FDX2: variants seen among roughly 807,000 people sequenced by gnomAD.
FDX2 encodes ferredoxin 2, also known as ferredoxin-2, mitochondrial.
Under a neutral mutation model 18.5 loss-of-function variants are expected in FDX2, and 13 were observed. The ratio of observed to expected loss-of-function variants is 0.70; its 90% confidence interval spans 0.46 to 1.12. The LOEUF (loss-of-function observed/expected upper bound fraction) is 1.12, where lower values mean the gene tolerates loss of function less well. Among genes scored for constraint, FDX2 ranks in the 50% most tolerant of loss-of-function variants. The pLI is 0.00. For synonymous variants in FDX2, 132 were observed against 106.2 expected, an observed-to-expected ratio of 1.24 and a Z score of -1.49; for missense variants, 238 against 250.4, an observed-to-expected ratio of 0.95 and a Z score of 0.34.
Position 10,310,455 on chromosome 19 carries a change from A to G in FDX2, c.*31T>C, listed in dbSNP as rs371286457. On this transcript the variant is annotated 3_prime_UTR_variant, in exon 5 of 5. Coordinates refer to ENST00000393708, the MANE Select transcript of FDX2 (RefSeq NM_001031734.4). ...TTCCCTCAATCTGGGCCCTGGGGCCATGGCAATGTGGAATGGTCCAGGTGT... is the reference window on the plus strand; with the variant it reads ...TTCCCTCAATCTGGGCCCTGGGGCCGTGGCAATGTGGAATGGTCCAGGTGT... 5 of 1,613,636 alleles carry G rather than the reference A, an allele frequency of 3.1e-6. No individual in the cohort carries two copies. Among genetic ancestry groups the G allele is most frequent in the African/African-American group, 1.3e-5 (1 of 74,926 alleles).
At chr19:10,312,239 T>C (rs1267763570) in intron 3 of FDX2, among the ~76,000 whole-genome samples, 1 of 134,202 alleles carries the variant, frequency 7.5e-6, no homozygotes, top group Non-Finnish European at 1.5e-5. Flanking sequence ...GGTCTCAAAC[T>C]CCTAAGCTCA....
At chr19:10,311,618 T>A (rs149543553) in intron 3 of FDX2, among the ~76,000 whole-genome samples, 9 of 151,486 alleles carry the variant, frequency 5.9e-5, no homozygotes, top group African/African-American at 1.9e-4. Flanking sequence ...GCCAGGATGG[T>A]CTTGATCTCC....
intron 3 of FDX2, among the ~76,000 whole-genome samples, chr19:10,311,405 T>G (rs1208376930): frequency 4.0e-5 from 6 of 151,470 alleles, no homozygotes; most frequent in East Asian, 3.9e-4. Context: ...GATTTTGTTT[T>G]TTTTTTTTTT....
intron 3 of FDX2, 36 bp from the exon 4 acceptor site, chr19:10,310,976 G>A (rs1182029236): frequency 1.3e-6 from 2 of 1,506,792 alleles, no homozygotes; most frequent in Non-Finnish European, 1.8e-6. Flanking sequence ...CAGGTGAGTG[G>A]CAGAGTCAGG....
rs1048941 is a variant in FDX2, at chr19:10,310,540, C to A, written c.507G>T (p.Leu169=). 6,901 of 1,614,128 alleles carry A rather than the reference C, an allele frequency of 4.3e-3. 253 individuals are homozygous for A. The African/African-American group carries it at 0.081, about 19-fold the overall frequency. The change falls in exon 5 of 5, where the codon CTG becomes CTT. Residue 169 remains leucine, a synonymous_variant. Transcript: ENST00000393708. Reference sequence around the variant, plus strand: ...CGTAGAAGTTCCTGGTGATCTTGGGCAGGGTGAATTCCGCTCCTTCCAGCT... The same window carrying A: ...CGTAGAAGTTCCTGGTGATCTTGGGAAGGGTGAATTCCGCTCCTTCCAGCT...
intron 4 of FDX2, 50 bp downstream of exon 4, chr19:10,310,803 C>G: frequency 6.3e-7 from 1 of 1,582,710 alleles, no homozygotes; most frequent in Non-Finnish European, 8.7e-7. Context: ...GTGGGGGCTG[C>G]TGAATGCTCC....
chr19:10,315,791 C>G (rs1431952277), intron 1 of FDX2, 32 bp from the exon 2 acceptor site: 5 of 1,600,698 alleles, frequency 3.1e-6, no homozygotes, highest in Admixed American at 1.7e-5. Context: ...GCGGCTGCGC[C>G]GAGCCCCGCC....
intron 3 of FDX2, 42 bp downstream of exon 3, chr19:10,315,338 TGGACAA>T: frequency 1.9e-6 from 2 of 1,032,656 alleles, no homozygotes; most frequent in Middle Eastern, 2.5e-4. Flanking sequence ...TTTTTTTTTT[TGGACAA>T]ATGTATAAGG....
Position 10,310,440 on chromosome 19 carries a change from C to T in FDX2, c.*46G>A. The stretch of plus-strand genomic sequence containing the variant: ...GCTGGCACCTGGCTATTCCCTCAAT[C>T]TGGGCCCTGGGGCCATGGCAATGTG... On this transcript the variant is annotated 3_prime_UTR_variant, in exon 5 of 5. Transcript: ENST00000393708. The T allele has an allele frequency of 1.2e-6, 2 of 1,612,578 alleles. No individual in the cohort carries two copies. Among genetic ancestry groups the T allele is most frequent in the Non-Finnish European group, 8.5e-7 (1 of 1,178,860 alleles).
At chr19:10,313,667 ATATATTTTTTTTTTTTTT>A (rs1263420345) in intron 3 of FDX2, among the ~76,000 whole-genome samples, 1 of 41,840 alleles carries the variant, frequency 2.4e-5, no homozygotes, top group Admixed American at 3.3e-4. Flanking sequence ...ATATATATAT[ATATATTTTTTTTTTTTTT>A]TTTTTTTTTT....
At chr19:10,313,564 C>G (rs1199698290) in intron 3 of FDX2, among the ~76,000 whole-genome samples, 2 of 145,720 alleles carry the variant, frequency 1.4e-5, no homozygotes, top group Non-Finnish European at 3.0e-5. Flanking sequence ...GTTTAGTTGC[C>G]TCATCTATAA....
intron 3 of FDX2, among the ~76,000 whole-genome samples, chr19:10,314,771 C>T (rs181628118): frequency 3.7e-4 from 57 of 152,212 alleles, no homozygotes; most frequent in South Asian, 6.2e-4. Flanking sequence ...GTAAAGGCCC[C>T]GAAGCAGGAA....
In FDX2 at chr19:10,315,775, C is replaced by A. The variant is rs372277831; in HGVS notation, c.155-16G>T. The stretch of plus-strand genomic sequence containing the variant: ...GGGCGCGAGCCTGGAAAACACGGTT[C>A]GGTGAGCGGCTGCGCCGAGCCCCGC... On this transcript the variant is annotated splice_polypyrimidine_tract_variant and intron_variant, in intron 1 of 4. Transcript: ENST00000393708. The A allele has an allele frequency of 1.4e-5, 23 of 1,602,638 alleles. No homozygotes were observed. Among genetic ancestry groups the A allele is most frequent in the Admixed American group, 3.4e-5 (2 of 58,646 alleles).
rs138738791 is a variant in FDX2 at position 10,315,975 on chromosome 19, C to T, written c.31G>A (p.Gly11Arg). ...AGTAGAACCCTGGCACTCACGCCTC[C>T]CCGGGCCATGGAGGCGGCCATGACA... Residue 11 changes from glycine to arginine, a missense_variant, in exon 1 of 5, where the codon GGA (glycine) becomes AGA (arginine). By Grantham distance (125) the Gly-to-Arg change is moderately radical (BLOSUM62 -2). Transcript: ENST00000393708. 6.3e-5 allele frequency: 101 copies of T among 1,609,506 alleles called. No homozygotes were observed. Among genetic ancestry groups the T allele is most frequent in the Admixed American group, 4.3e-4 (25 of 58,508 alleles).
chr19:10,311,045 C>A (rs916448790), intron 3 of FDX2, 105 bp from the exon 4 acceptor site: 3 of 750,070 alleles, frequency 4.0e-6, no homozygotes, highest in Admixed American at 5.4e-5. Flanking sequence ...ACGTGCCTCA[C>A]GTCTCCCTCC....
chr19:10,314,655 G>A (rs2040358728), intron 3 of FDX2, among the ~76,000 whole-genome samples: 1 of 152,226 alleles, frequency 6.6e-6, no homozygotes, highest in Admixed American at 6.5e-5. Flanking sequence ...GCTGGGCTGA[G>A]GGGAATGGGA....
rs139960783 is a variant in FDX2, at chr19:10,313,124, C to T, written c.317-2184G>A. 7.7e-3 allele frequency among the ~76,000 whole-genome samples: 1,176 copies of T among 152,208 alleles called. 15 individuals carry two copies. The highest frequency in any genetic ancestry group is 0.026 in the African/African-American group (1,078 of 41,548). On this transcript the variant is annotated intron_variant, in intron 3 of 4. Transcript: ENST00000393708. ...TTGCAGTCCAGCCTGGGTGATAGAGCGAGACTCTGTCTCAGATAAATAAAT... is the reference window on the plus strand; with the variant it reads ...TTGCAGTCCAGCCTGGGTGATAGAGTGAGACTCTGTCTCAGATAAATAAAT...
Position 10,310,930 on chromosome 19 carries a change from T to C in FDX2, c.327A>G (p.Glu109=). The C allele has an allele frequency of 3.7e-6, 6 of 1,612,102 alleles. 1 individual carries two copies. In the South Asian group the frequency reaches 5.5e-5, roughly 15 times the overall value. The stretch of plus-strand genomic sequence containing the variant: ...GGCAGGTGGAGCAGGCCAGGGAGGC[T>C]TCACAGGCCCCTAGGGGTGGGAAGT... Residue 109 remains glutamate (E), a synonymous_variant, in exon 4 of 5, where the codon GAA becomes GAG. Coordinates refer to ENST00000393708, the MANE Select transcript of FDX2 (RefSeq NM_001031734.4).
intron 3 of FDX2, among the ~76,000 whole-genome samples, chr19:10,313,671 ATTTTTTTTTTTTT>A (rs1198833749): frequency 2.2e-5 from 1 of 45,396 alleles, no homozygotes; most frequent in African/African-American, 1.1e-4. Flanking sequence ...ATATATATAT[ATTTTTTTTTTTTT>A]TTTTTTTTTT....
Sources: gnomAD v4.1 joint callset for allele counts (sites outside exome capture counted in the v4.1 genomes callset) on GRCh38, gnomAD v4.1.1 for gene constraint, MANE v1.5 for transcripts, NCBI Gene and HGNC (gene_info 2026-07-23, HGNC 2026-07-21) for gene names.